ATAD3C: variants seen among roughly 807,000 people sequenced by gnomAD.
ATAD3C encodes the protein ATPase family AAA domain containing 3C.
In ATAD3C, 38 loss-of-function variants were observed where a neutral mutation model predicts 46.3. That is an observed-to-expected ratio of 0.82 (90% confidence interval 0.63 to 1.08). The LOEUF (loss-of-function observed/expected upper bound fraction) is 1.08. ATAD3C is among the 50% of genes least tolerant of loss of function. The pLI, the probability that ATAD3C is intolerant of heterozygous loss-of-function variation, is 0.00. For missense variants in ATAD3C, 563 were observed against 572.7 expected, an observed-to-expected ratio of 0.98 and a Z score of 0.17; for synonymous variants, 220 against 236.4, an observed-to-expected ratio of 0.93 and a Z score of 0.63.
At chr1:1,450,895 G>T (rs903888919) in intron 1 of ATAD3C, 137 bp downstream of exon 1, 2 of 1,373,268 alleles carry the variant, frequency 1.5e-6, no homozygotes, top group Non-Finnish European at 2.0e-6. Context: ...AAGCTTGGGC[G>T]CCTCATTTCA....
chr1:1,461,648 C>CCCCCATGTCGGAAT (rs1557780495), intron 10 of ATAD3C, among the ~76,000 whole-genome samples: 1 of 111,848 alleles, frequency 8.9e-6, no homozygotes, highest in African/African-American at 5.4e-5. Flanking sequence ...CATGTAGGGA[C>CCCCCATGTCGGAAT]TGGAGGGAGA....
chr1:1,466,470 G>A (rs369946904), intron 11 of ATAD3C, among the ~76,000 whole-genome samples: 4 of 148,426 alleles, frequency 2.7e-5, no homozygotes, highest in Non-Finnish European at 5.9e-5. Context: ...AGAGAATGGC[G>A]TGAACCCGGG....
At chr1:1,455,704 T>TCCACA in intron 5 of ATAD3C, 87 bp from the exon 6 acceptor site, 1 of 1,584,600 alleles carries the variant, frequency 6.3e-7, no homozygotes, top group Non-Finnish European at 8.6e-7. Flanking sequence ...GAGAGCGGAG[T>TCCACA]CCACACCCAG....
In ATAD3C at chr1:1,450,631, G is replaced by A; in HGVS notation, c.-53G>A. On this transcript the variant is annotated 5_prime_UTR_variant, in exon 1 of 12. Transcript: ENST00000378785. ...CTTGGCTGGTGTGCGTGCCTGCCCAGCGGCATCCGTGTATCCTAACACCTG... is the reference window on the plus strand; with the variant it reads ...CTTGGCTGGTGTGCGTGCCTGCCCAACGGCATCCGTGTATCCTAACACCTG... 6.3e-7 allele frequency: 1 copy of A among 1,576,168 alleles called. No homozygotes were observed. The highest frequency in any genetic ancestry group is 1.1e-5 in the South Asian group (1 of 87,210).
intron 8 of ATAD3C, among the ~76,000 whole-genome samples, chr1:1,457,583 G>A (rs548754044): frequency 6.2e-5 from 7 of 112,318 alleles, no homozygotes; most frequent in South Asian, 3.2e-4. Flanking sequence ...GCGACACAGC[G>A]AGACTTCATC....
chr1:1,451,545 C>T (rs1638859043), intron 1 of ATAD3C, among the ~76,000 whole-genome samples: 1 of 151,802 alleles, frequency 6.6e-6, no homozygotes, highest in Non-Finnish European at 1.5e-5. Flanking sequence ...CAGGGTTTCA[C>T]CATGCTGGCC....
At chr1:1,456,825 C>T (rs1006514209) in intron 7 of ATAD3C, among the ~76,000 whole-genome samples, 71 of 151,694 alleles carry the variant, frequency 4.7e-4, no homozygotes, top group African/African-American at 1.6e-3. Flanking sequence ...GTTGGAACCA[C>T]GATGCTCATG....
intron 3 of ATAD3C, among the ~76,000 whole-genome samples, chr1:1,453,317 C>G (rs545258053): frequency 6.6e-6 from 1 of 152,226 alleles, no homozygotes; most frequent in East Asian, 1.9e-4. Flanking sequence ...ATTCTCTTGC[C>G]TCAGCCTCTC....
At chr1:1,466,274 G>A (rs1040231324) in intron 11 of ATAD3C, among the ~76,000 whole-genome samples, 8 of 150,524 alleles carry the variant, frequency 5.3e-5, no homozygotes, top group Non-Finnish European at 8.9e-5. Flanking sequence ...ATGGCTGGGC[G>A]CGGTGGCTCA....
chr1:1,449,760 T>C lies in ATAD3C; in HGVS notation c.-924T>C, dbSNP rs1410218005. On this transcript the variant is annotated 5_prime_UTR_variant, in exon 1 of 12. The change abolishes an upstream ATG in the 5' untranslated region. Transcript: ENST00000378785. ...ACCGCGCCCGGCCAGAAGATTTTTA[T>C]GGTAAAATTTTGTGATGGGAAAACT... The C allele has an allele frequency of 6.6e-6, 1 of 151,972 alleles. No individual in the cohort carries two copies. The highest frequency in any genetic ancestry group is 1.5e-5 in the Non-Finnish European group (1 of 67,940). 9.4% of individuals were successfully genotyped at this position (151,972 alleles called of 1,614,324 possible).
chr1:1,450,980 G>T (rs190898472), intron 1 of ATAD3C, among the ~76,000 whole-genome samples: 2 of 152,126 alleles, frequency 1.3e-5, no homozygotes, highest in Admixed American at 6.6e-5. Context: ...TGGTGAGGGC[G>T]TCTGGTCGTC....
At position 1,463,397 on chromosome 1, in the gene ATAD3C, C is replaced by T. The variant is rs113803290; in HGVS notation, c.1089+689C>T. On this transcript the variant is annotated intron_variant, in intron 11 of 11. Coordinates refer to ENST00000378785, the MANE Select transcript of ATAD3C (RefSeq NM_001039211.3). ...GAGTCTGTGTGACAATCTGGTCACT[C>T]GATCTAGCAGCACATTATGTGTGAC... 5.5e-3 allele frequency among the ~76,000 whole-genome samples: 835 copies of T among 152,186 alleles called. 15 individuals carry two copies. Among genetic ancestry groups the T allele is most frequent in the Non-Finnish European group, 9.7e-3 (656 of 67,970 alleles).
chr1:1,450,378 C>T lies in ATAD3C; in HGVS notation c.-306C>T, dbSNP rs1178253000. 2.6e-5 allele frequency: 9 copies of T among 350,684 alleles called. No individual in the cohort carries two copies. Among genetic ancestry groups the T allele is most frequent in the East Asian group, 4.6e-5 (1 of 21,712 alleles). 21.7% of individuals were successfully genotyped at this position (350,684 alleles called of 1,614,324 possible). A position where few individuals can be genotyped will look rare whatever the true frequency, so the allele number is the denominator to read the frequency against. On this transcript the variant is annotated 5_prime_UTR_variant, in exon 1 of 12. Transcript: ENST00000378785. ...GTGAAAAAATGGACACTTTAGCCATCGCCTGACTTTCTGTTGAATTGGGAA... is the reference window on the plus strand; with the variant it reads ...GTGAAAAAATGGACACTTTAGCCATTGCCTGACTTTCTGTTGAATTGGGAA...
intron 1 of ATAD3C, among the ~76,000 whole-genome samples, chr1:1,451,197 C>T (rs896407100): frequency 1.8e-4 from 27 of 150,904 alleles, no homozygotes; most frequent in African/African-American, 5.4e-4. Flanking sequence ...CCTGCCACCA[C>T]GCCCAGCTAA....
rs896848616 is a variant in ATAD3C, at chr1:1,455,634, T to C, written c.438+115T>C. Reference sequence around the variant, plus strand: ...GCCCAGGATCTTTTGGGTCCTGAGATGCGACTGCTTGGACCGTGCCGGGGA... The same window carrying C: ...GCCCAGGATCTTTTGGGTCCTGAGACGCGACTGCTTGGACCGTGCCGGGGA... On this transcript the variant is annotated intron_variant, in intron 5 of 11. Transcript: ENST00000378785. The C allele has an allele frequency of 1.3e-5, 20 of 1,572,450 alleles. 1 individual carries two copies. Among genetic ancestry groups the C allele is most frequent in the Non-Finnish European group, 1.6e-5 (19 of 1,155,172 alleles).
chr1:1,463,267 T>G (rs1321193566), intron 11 of ATAD3C, among the ~76,000 whole-genome samples: 5 of 152,020 alleles, frequency 3.3e-5, no homozygotes, highest in African/African-American at 1.2e-4. Flanking sequence ...GGCACGGCCA[T>G]CCAGAAAGCT....
Position 1,460,834 on chromosome 1 carries a change from C to T in ATAD3C, c.897C>T (p.Asp299=). 1 of 1,613,096 alleles carries T rather than the reference C, an allele frequency of 6.2e-7. No individual in the cohort carries two copies. ...NACIDVMVHF[D]LPGQEERARL... is the part of the protein sequence containing the mutation. Reference sequence around the variant, plus strand: ...GCATCGACGTGATGGTCCACTTCGACCTGCCAGGGCAGGAGGAGCGGGCGC... The same window carrying T: ...GCATCGACGTGATGGTCCACTTCGATCTGCCAGGGCAGGAGGAGCGGGCGC... Residue 299 remains aspartate (D), a synonymous_variant, in exon 10 of 12, where the codon GAC becomes GAT. Transcript: ENST00000378785.
intron 5 of ATAD3C, 83 bp downstream of exon 5, chr1:1,455,602 T>G: frequency 6.3e-7 from 1 of 1,599,908 alleles, no homozygotes; most frequent in East Asian, 2.2e-5. Flanking sequence ...CTGGCGCTCC[T>G]GGTGGCGCCC....
rs570074145 is a variant in ATAD3C, at chr1:1,467,230, C to T, written c.1090-1154C>T. Among the ~76,000 whole-genome samples the T allele has an allele frequency of 4.2e-4, 64 of 152,090 alleles. No individual in the cohort carries two copies. The South Asian group carries it at 5.6e-3, about 13-fold the overall frequency. ...AGGGGTGGCTCCGTGAGCATCTGCT[C>T]ACCCCCTTTCCTCTGCTGGGCCCTG... On this transcript the variant is annotated intron_variant, in intron 11 of 11. Coordinates refer to ENST00000378785, the MANE Select transcript of ATAD3C (RefSeq NM_001039211.3).
Sources: allele counts gnomAD v4.1 joint callset (sites outside exome capture counted in the v4.1 genomes callset), GRCh38; gene constraint gnomAD v4.1.1; transcripts MANE v1.5; gene names NCBI Gene and HGNC (gene_info 2026-07-23, HGNC 2026-07-21).